The following SLC24A2 variants were observed in gnomAD, a reference collection of about 807,000 sequenced individuals.
SLC24A2 encodes solute carrier family 24 member 2, also known as sodium/potassium/calcium exchanger 2.
In SLC24A2, 36 loss-of-function variants were observed where a neutral mutation model predicts 62.0. The observed-to-expected ratio is 0.58, with a 90% CI of 0.44 to 0.77. The LOEUF (loss-of-function observed/expected upper bound fraction) is 0.77. Ranked by LOEUF, SLC24A2 falls within the 30% of genes least tolerant of loss-of-function variation. The pLI, the probability that SLC24A2 is intolerant of heterozygous loss-of-function variation, is 0.00. For missense variants in SLC24A2, 846 were observed against 817.9 expected, an observed-to-expected ratio of 1.03 and a Z score of -0.42; for synonymous variants, 358 against 294.0, an observed-to-expected ratio of 1.22 and a Z score of -2.23.
chr9:19,685,497 C>G (rs1819854187), intron 2 of SLC24A2, among the ~76,000 whole-genome samples: 1 of 152,114 alleles, frequency 6.6e-6, no homozygotes, highest in Non-Finnish European at 1.5e-5. Flanking sequence ...ATCATGTTAT[C>G]TAACTTCAAA....
the SLC24A2 span, among the ~76,000 whole-genome samples, chr9:19,814,791 G>A: frequency 6.6e-6 from 1 of 152,130 alleles, no homozygotes; most frequent in African/African-American, 2.4e-5. Context: ...TTTAGCAGCA[G>A]GTTCCTGTCT....
At position 19,644,729 on chromosome 9, in the gene SLC24A2, G is replaced by GT. The variant is rs60964660; in HGVS notation, c.931-22431dup. ...AATATGCTTGAAACAACAAGTTCAT[G>GT]TTTTTTTTTAAAAACATGACATTTT... On this transcript the variant is annotated intron_variant, in intron 2 of 10. Coordinates refer to ENST00000341998, the MANE Select transcript of SLC24A2 (RefSeq NM_020344.4). Among the ~76,000 whole-genome samples, 488 of 151,052 alleles carry GT rather than the reference G, an allele frequency of 3.2e-3. 5 individuals are homozygous for GT. Among genetic ancestry groups the GT allele is most frequent in the African/African-American group, 0.01 (427 of 41,180 alleles).
At chr9:20,018,607 T>C in the SLC24A2 span, among the ~76,000 whole-genome samples, 26 of 152,274 alleles carry the variant, frequency 1.7e-4, no homozygotes, top group Non-Finnish European at 2.9e-4. Context: ...CTTTTATAGC[T>C]TAAAAATTAT....
At chr9:20,234,003 T>C in the SLC24A2 span, among the ~76,000 whole-genome samples, 6 of 152,240 alleles carry the variant, frequency 3.9e-5, no homozygotes, top group Non-Finnish European at 8.8e-5. Context: ...TTTGGCTGGA[T>C]ATGAAATTCT....
chr9:19,879,257 G>A, the SLC24A2 span, among the ~76,000 whole-genome samples: 44 of 152,218 alleles, frequency 2.9e-4, no homozygotes, highest in Middle Eastern at 3.4e-3. Flanking sequence ...TGGGAGTCAA[G>A]GAAGCAATTT....
chr9:20,253,827 T>C, the SLC24A2 span, among the ~76,000 whole-genome samples: 2 of 152,160 alleles, frequency 1.3e-5, no homozygotes, highest in Non-Finnish European at 2.9e-5. Flanking sequence ...CTTGGTTCTC[T>C]TTCTTGGCAC....
the SLC24A2 span, among the ~76,000 whole-genome samples, chr9:19,802,193 C>T: frequency 6.6e-6 from 1 of 152,160 alleles, no homozygotes; most frequent in Non-Finnish European, 1.5e-5. Context: ...ACTGGTTGGC[C>T]AATGTCTAGT....
At chr9:19,636,493 G>A (rs1194771966) in intron 2 of SLC24A2, among the ~76,000 whole-genome samples, 3 of 150,436 alleles carry the variant, frequency 2.0e-5, no homozygotes, top group African/African-American at 7.4e-5. Context: ...GTGCAGTGGT[G>A]TGATCTCGGC....
chr9:19,720,387 C>T (rs1165770225), intron 2 of SLC24A2, among the ~76,000 whole-genome samples: 2 of 152,110 alleles, frequency 1.3e-5, no homozygotes, highest in Admixed American at 6.5e-5. Flanking sequence ...CAATAGTTTA[C>T]CAGACACTGT....
chr9:19,995,545 C>T, the SLC24A2 span, among the ~76,000 whole-genome samples: 1 of 152,248 alleles, frequency 6.6e-6, no homozygotes, highest in Non-Finnish European at 1.5e-5. Flanking sequence ...GAGCCAACTC[C>T]CTCCTACTAG....
chr9:20,034,273 G>A, the SLC24A2 span, among the ~76,000 whole-genome samples: 3 of 151,978 alleles, frequency 2.0e-5, no homozygotes, highest in Non-Finnish European at 4.4e-5. Flanking sequence ...TGATGTAAAA[G>A]CATAAGATTT....
chr9:20,087,742 G>C, the SLC24A2 span, among the ~76,000 whole-genome samples: 1 of 152,244 alleles, frequency 6.6e-6, no homozygotes, highest in African/African-American at 2.4e-5. Context: ...CTCATGGAGA[G>C]AAATGGAAGG....
chr9:20,015,999 G>A, the SLC24A2 span, among the ~76,000 whole-genome samples: 4 of 152,240 alleles, frequency 2.6e-5, no homozygotes, highest in Admixed American at 2.6e-4. Context: ...ATTATTGCAT[G>A]AACATGTTCA....
At chr9:19,935,418 C>A in the SLC24A2 span, among the ~76,000 whole-genome samples, 1 of 146,396 alleles carries the variant, frequency 6.8e-6, no homozygotes, top group East Asian at 2.0e-4. Context: ...ACAAAAAAAA[C>A]CCAGCACTTA....
chr9:20,079,425 A>C, the SLC24A2 span, among the ~76,000 whole-genome samples: 1 of 148,396 alleles, frequency 6.7e-6, no homozygotes, highest in African/African-American at 2.6e-5. Flanking sequence ...AAATATAAAC[A>C]TACATATGCC....
the SLC24A2 span, among the ~76,000 whole-genome samples, chr9:20,104,806 A>G: frequency 6.6e-6 from 1 of 152,332 alleles, no homozygotes; most frequent in Admixed American, 6.5e-5. Flanking sequence ...TAGCAAAATA[A>G]CCAGCTAACA....
chr9:19,703,604 T>C (rs970830267), intron 2 of SLC24A2, among the ~76,000 whole-genome samples: 2 of 152,136 alleles, frequency 1.3e-5, no homozygotes, highest in Admixed American at 1.3e-4. Context: ...GGGAAGACTT[T>C]CTGGAAGAAG....
At chr9:20,031,878 A>G in the SLC24A2 span, among the ~76,000 whole-genome samples, 1 of 152,208 alleles carries the variant, frequency 6.6e-6, no homozygotes, top group Non-Finnish European at 1.5e-5. Flanking sequence ...GAAAGAAAGA[A>G]AAAGCCCAGA....
At chr9:20,011,822 C>T in the SLC24A2 span, among the ~76,000 whole-genome samples, 853 of 152,184 alleles carry the variant, frequency 5.6e-3, 6 homozygotes, top group African/African-American at 0.018. Context: ...TTTAAGAACA[C>T]GTCAAAAGAA....
Sources: allele counts gnomAD v4.1 joint callset (sites outside exome capture counted in the v4.1 genomes callset), GRCh38; gene constraint gnomAD v4.1.1; transcripts MANE v1.5; gene names NCBI Gene and HGNC (gene_info 2026-07-23, HGNC 2026-07-21).